Variants in OCA2 observed in about 807,000 individuals in gnomAD.
OCA2 encodes the protein OCA2 melanosomal transmembrane protein.
In OCA2, 77 loss-of-function variants were observed where a neutral mutation model predicts 100.2. The observed-to-expected ratio is 0.77, with a 90% confidence interval of 0.64 to 0.93. The LOEUF (loss-of-function observed/expected upper bound fraction) is 0.93, where lower values mean the gene tolerates loss of function less well. Among genes scored for constraint, OCA2 ranks in the 40% least tolerant of loss-of-function variants. The probability of loss-of-function intolerance (pLI) is 0.00; values close to 1 mark genes in which losing one functional copy is unlikely to be tolerated. For synonymous variants in OCA2, 432 were observed against 439.2 expected, an observed-to-expected ratio of 0.98 and a Z score of 0.21; for missense variants, 1,062 against 1,089.1, an observed-to-expected ratio of 0.98 and a Z score of 0.35.
intron 19 of OCA2, among the ~76,000 whole-genome samples, chr15:27,913,944 A>AAATT (rs1329652852): frequency 6.8e-6 from 1 of 148,106 alleles, no homozygotes; most frequent in African/African-American, 2.5e-5. Context: ...AGAAAGAAAA[A>AAATT]AATTTCAGGC....
chr15:27,855,546 T>C (rs1215798756), intron 21 of OCA2, among the ~76,000 whole-genome samples: 1 of 152,248 alleles, frequency 6.6e-6, no homozygotes, highest in Admixed American at 6.5e-5. Flanking sequence ...AGTTCCTCAA[T>C]GTGGCTGCTA....
chr15:27,920,250 T>C (rs942257430), intron 19 of OCA2, among the ~76,000 whole-genome samples: 2 of 151,554 alleles, frequency 1.3e-5, no homozygotes, highest in Non-Finnish European at 2.9e-5. Flanking sequence ...CCCAAATAGA[T>C]TGAAAGGAAA....
At chr15:27,796,330 C>T (rs1027061093) in intron 23 of OCA2, among the ~76,000 whole-genome samples, 2 of 152,272 alleles carry the variant, frequency 1.3e-5, no homozygotes, top group African/African-American at 4.8e-5. Context: ...CCAGTCTGGC[C>T]TCTCGCCACC....
intron 2 of OCA2, among the ~76,000 whole-genome samples, chr15:28,070,571 C>G (rs2044223469): frequency 1.4e-5 from 2 of 146,778 alleles, no homozygotes; most frequent in South Asian, 2.3e-4. Flanking sequence ...GCCAGCCGCC[C>G]CGTCTGGGAG....
the OCA2 span, among the ~76,000 whole-genome samples, chr15:27,720,961 T>C: frequency 6.6e-6 from 1 of 152,136 alleles, no homozygotes; most frequent in Non-Finnish European, 1.5e-5. Context: ...CTGCGTGAGT[T>C]CATGAACATG....
chr15:27,803,736 CTTATA>C lies in OCA2; in HGVS notation c.2432+41218_2432+41222del, dbSNP rs780934896. 4.8e-4 allele frequency among the ~76,000 whole-genome samples: 73 copies of C among 152,132 alleles called. 1 individual carries two copies. The highest frequency in any genetic ancestry group is 7.5e-4 in the Non-Finnish European group (51 of 67,994). ...GTGTAAAATGGTTTAAATGGTAAAC[CTTATA>C]TTATATGTATTTTACCACAATTAAA... On this transcript the variant is annotated intron_variant, in intron 23 of 23. Transcript: ENST00000354638.
chr15:27,738,892 T>C, the OCA2 span, among the ~76,000 whole-genome samples: 4 of 152,184 alleles, frequency 2.6e-5, no homozygotes, highest in South Asian at 2.1e-4. Flanking sequence ...CAAATGTTTA[T>C]TTAAAAATAT....
chr15:28,013,877 G>A (rs961428393), intron 9 of OCA2, among the ~76,000 whole-genome samples: 4 of 148,100 alleles, frequency 2.7e-5, no homozygotes, highest in African/African-American at 1.1e-4. Context: ...GAACAAAACT[G>A]TTCTAGAACT....
At chr15:27,966,878 G>C in intron 14 of OCA2, 56 bp from the exon 15 acceptor site, 1 of 1,560,174 alleles carries the variant, frequency 6.4e-7, no homozygotes, top group South Asian at 1.2e-5. Flanking sequence ...GCTCACGCCT[G>C]TAATCCCAGC....
intron 2 of OCA2, among the ~76,000 whole-genome samples, chr15:28,042,276 A>C (rs1377714938): frequency 6.6e-6 from 1 of 152,180 alleles, no homozygotes; most frequent in Non-Finnish European, 1.5e-5. Flanking sequence ...GATGAAAACT[A>C]ATCATTTCTA....
chr15:27,861,604 G>A (rs918941241), intron 21 of OCA2, among the ~76,000 whole-genome samples: 5 of 152,102 alleles, frequency 3.3e-5, no homozygotes, highest in Non-Finnish European at 5.9e-5. Flanking sequence ...ATTCTGAGGG[G>A]TGGCCTCCAT....
chr15:28,004,097 C>T (rs75070978), intron 9 of OCA2, among the ~76,000 whole-genome samples: 2,801 of 152,336 alleles, frequency 0.018, 101 homozygotes, highest in African/African-American at 0.064. Flanking sequence ...CTGCACGTCA[C>T]TGATCCTTCC....
chr15:27,804,640 A>C (rs2033749554), intron 23 of OCA2, among the ~76,000 whole-genome samples: 1 of 152,188 alleles, frequency 6.6e-6, no homozygotes, highest in Non-Finnish European at 1.5e-5. Context: ...ACCACAACGG[A>C]CTTCAGAAAC....
chr15:27,921,178 GA>G (rs1166468467), intron 19 of OCA2, among the ~76,000 whole-genome samples: 1 of 152,002 alleles, frequency 6.6e-6, no homozygotes, highest in African/African-American at 2.4e-5. Flanking sequence ...TCACACTATT[GA>G]AAGACAAAGT....
downstream of OCA2, among the ~76,000 whole-genome samples, chr15:27,750,855 C>T (rs568048339): frequency 6.6e-6 from 1 of 152,276 alleles, no homozygotes; most frequent in Admixed American, 6.5e-5. Context: ...GGAAGCTTGA[C>T]ATAGAAACCT....
intron 19 of OCA2, among the ~76,000 whole-genome samples, chr15:27,884,955 TGAGGACAACCGTGCCCTTCAC>T (rs1414637208): frequency 4.2e-5 from 6 of 144,358 alleles, no homozygotes; most frequent in African/African-American, 1.8e-4. Context: ...GTAGAGCACA[TGAGGACAACCGTGCCCTTCAC>T]CAGCATTCCT....
chr15:27,922,680 GGTGTGTGTGTGTGTGTGTGTGTGT>G (rs60426286), intron 19 of OCA2, among the ~76,000 whole-genome samples: 1 of 147,110 alleles, frequency 6.8e-6, no homozygotes, highest in Non-Finnish European at 1.5e-5. Context: ...TTTTGTTTGG[GGTGTGTGTGTGTGTGTGTGTGTGT>G]GTGTGTGTGT....
intron 19 of OCA2, among the ~76,000 whole-genome samples, chr15:27,916,970 T>G (rs2038688084): frequency 6.6e-6 from 1 of 151,956 alleles, no homozygotes; most frequent in Non-Finnish European, 1.5e-5. Flanking sequence ...AGGTGTAAGA[T>G]AGCAGATGCA....
intron 1 of OCA2, among the ~76,000 whole-genome samples, chr15:28,085,528 C>T (rs1184559922): frequency 6.6e-6 from 1 of 152,120 alleles, no homozygotes; most frequent in Non-Finnish European, 1.5e-5. Flanking sequence ...AGGAATGTCT[C>T]CAAGAGCAAA....
Sources: gnomAD v4.1 joint callset for allele counts (sites outside exome capture counted in the v4.1 genomes callset) on GRCh38, gnomAD v4.1.1 for gene constraint, MANE v1.5 for transcripts, NCBI Gene and HGNC (gene_info 2026-07-23, HGNC 2026-07-21) for gene names.